CACNA2D3: variants seen among roughly 807,000 people sequenced by gnomAD.
CACNA2D3 encodes the protein calcium voltage-gated channel auxiliary subunit alpha2delta 3.
CACNA2D3 carries 60 observed loss-of-function variants against 160.6 expected under a neutral mutation model. The observed-to-expected ratio is 0.37, with a 90% CI of 0.30 to 0.46. CACNA2D3 has a LOEUF of 0.46. Ranked by LOEUF, CACNA2D3 falls within the 20% of genes least tolerant of loss-of-function variation. The pLI is 1.00. For missense variants in CACNA2D3, 1,205 were observed against 1,365.0 expected (o/e 0.88, Z 1.85); for synonymous variants, 558 against 492.9 (o/e 1.13, Z -1.75).
intron 5 of CACNA2D3, among the ~76,000 whole-genome samples, chr3:54,536,823 T>C (rs560410278): frequency 6.6e-6 from 1 of 152,360 alleles, no homozygotes; most frequent in Admixed American, 6.5e-5. Flanking sequence ...ATTCTCTTGC[T>C]ATTATTAGAG....
chr3:54,745,256 A>G (rs528974548), intron 11 of CACNA2D3, among the ~76,000 whole-genome samples: 9 of 152,298 alleles, frequency 5.9e-5, no homozygotes, highest in African/African-American at 1.2e-4. Flanking sequence ...TGGACAGTCA[A>G]TCATCTCAGT....
chr3:54,338,466 C>CCT (rs1437399856), intron 3 of CACNA2D3, among the ~76,000 whole-genome samples: 72 of 99,036 alleles, frequency 7.3e-4, no homozygotes, highest in African/African-American at 2.6e-3. Flanking sequence ...ATCTCCCCTC[C>CCT]CTGTGTGTGT....
chr3:54,282,019 G>A (rs1383182432), intron 2 of CACNA2D3, among the ~76,000 whole-genome samples: 1 of 152,200 alleles, frequency 6.6e-6, no homozygotes, highest in Non-Finnish European at 1.5e-5. Context: ...GCAAATCAAA[G>A]CATGACTAAC....
At chr3:55,036,813 T>A (rs1031323) in intron 35 of CACNA2D3, among the ~76,000 whole-genome samples, 40,254 of 152,166 alleles carry the variant, frequency 0.26, 5,529 homozygotes, top group Admixed American at 0.32. Context: ...ATTTGACTTT[T>A]CACTTTAAAA....
In CACNA2D3 at chr3:55,059,735, T is replaced by C. The variant is rs903176587; in HGVS notation, c.2988-13710T>C. 2.0e-5 allele frequency among the ~76,000 whole-genome samples: 3 copies of C among 152,068 alleles called. 1 individual carries two copies. The South Asian group carries it at 6.2e-4, about 32-fold the overall frequency. On this transcript the variant is annotated intron_variant, in intron 35 of 37. Coordinates refer to ENST00000474759, the MANE Select transcript of CACNA2D3 (RefSeq NM_018398.3). ...GGTCACATATGGACTTGAAGGATGG[T>C]GGATACGGGGATTTTATTGGGTGAT...
chr3:54,330,095 A>G (rs1179605849), intron 3 of CACNA2D3, among the ~76,000 whole-genome samples: 1 of 152,160 alleles, frequency 6.6e-6, no homozygotes, highest in African/African-American at 2.4e-5. Context: ...ATCAGCTGGG[A>G]TATCATTTAT....
At chr3:54,851,152 G>A (rs1219253614) in intron 17 of CACNA2D3, among the ~76,000 whole-genome samples, 4 of 152,172 alleles carry the variant, frequency 2.6e-5, no homozygotes, top group Admixed American at 2.6e-4. Context: ...TCCTTTTTAT[G>A]GGACAGGAAC....
chr3:54,338,801 C>T (rs1704452732), intron 3 of CACNA2D3, among the ~76,000 whole-genome samples: 1 of 152,074 alleles, frequency 6.6e-6, no homozygotes, highest in Non-Finnish European at 1.5e-5. Context: ...AGTGACTGCC[C>T]TGGCTCGTGG....
chr3:54,562,942 C>T lies in CACNA2D3; in HGVS notation c.676+11C>T. 6.2e-7 allele frequency: 1 copy of T among 1,611,510 alleles called. No homozygotes were observed. On this transcript the variant is annotated intron_variant, in intron 6 of 37. Coordinates refer to ENST00000474759, the MANE Select transcript of CACNA2D3 (RefSeq NM_018398.3). ...TTAGGCAGTATCCGGGTGAGTATACCTGCATTGACAGTTATGACTCAGATT... is the reference window on the plus strand; with the variant it reads ...TTAGGCAGTATCCGGGTGAGTATACTTGCATTGACAGTTATGACTCAGATT...
chr3:54,127,608 A>T (rs567192701), intron 2 of CACNA2D3, among the ~76,000 whole-genome samples: 1 of 152,324 alleles, frequency 6.6e-6, no homozygotes, highest in South Asian at 2.1e-4. Context: ...AAACACAGTT[A>T]TTTGCCATCC....
chr3:54,738,409 A>T (rs1246555743), intron 11 of CACNA2D3, among the ~76,000 whole-genome samples: 1 of 152,220 alleles, frequency 6.6e-6, no homozygotes, highest in Non-Finnish European at 1.5e-5. Flanking sequence ...ATCAGTCCCT[A>T]GTCTCCCAAC....
chr3:54,788,341 G>A (rs1217729034), intron 13 of CACNA2D3, among the ~76,000 whole-genome samples: 1 of 152,150 alleles, frequency 6.6e-6, no homozygotes, highest in African/African-American at 2.4e-5. Flanking sequence ...TTCCTTGCCT[G>A]ATTGTTCAAG....
intron 27 of CACNA2D3, among the ~76,000 whole-genome samples, chr3:54,961,426 T>C (rs943935331): frequency 1.3e-5 from 2 of 152,344 alleles, no homozygotes; most frequent in East Asian, 1.9e-4. Context: ...ATTTATTTAT[T>C]ATTAACTTAT....
At chr3:55,073,421 C>T (rs2107237124) in intron 35 of CACNA2D3, 24 bp from the exon 36 acceptor site, 2 of 1,555,638 alleles carry the variant, frequency 1.3e-6, no homozygotes, top group Non-Finnish European at 1.8e-6. Context: ...TAAATGACTG[C>T]CTCGCTACCT....
intron 4 of CACNA2D3, among the ~76,000 whole-genome samples, chr3:54,474,152 T>C (rs1700786577): frequency 6.6e-6 from 1 of 152,202 alleles, no homozygotes; most frequent in African/African-American, 2.4e-5. Context: ...CCAACCCAAA[T>C]GCCCATCAGT....
At chr3:54,644,299 T>G (rs973087864) in intron 11 of CACNA2D3, among the ~76,000 whole-genome samples, 1 of 152,140 alleles carries the variant, frequency 6.6e-6, no homozygotes, top group Non-Finnish European at 1.5e-5. Context: ...TCAAGTATTA[T>G]CAAGCAGAAG....
intron 9 of CACNA2D3, among the ~76,000 whole-genome samples, chr3:54,610,741 T>C (rs1179801020): frequency 6.6e-6 from 1 of 152,160 alleles, no homozygotes; most frequent in Non-Finnish European, 1.5e-5. Context: ...GTGATTCTTC[T>C]GCCTCAGCCT....
intron 11 of CACNA2D3, among the ~76,000 whole-genome samples, chr3:54,666,847 G>A (rs1383125964): frequency 6.6e-6 from 1 of 152,184 alleles, no homozygotes; most frequent in Non-Finnish European, 1.5e-5. Flanking sequence ...AACCTCGCAT[G>A]GTTGGAAGTA....
At chr3:54,210,040 G>A (rs1455933481) in intron 2 of CACNA2D3, among the ~76,000 whole-genome samples, 1 of 152,124 alleles carries the variant, frequency 6.6e-6, no homozygotes, top group African/African-American at 2.4e-5. Flanking sequence ...CAGAAAAGAA[G>A]ATCCATACCT....
Sources: allele counts gnomAD v4.1 joint callset (sites outside exome capture counted in the v4.1 genomes callset), GRCh38; gene constraint gnomAD v4.1.1; transcripts MANE v1.5; gene names NCBI Gene and HGNC (gene_info 2026-07-23, HGNC 2026-07-21).